Variants in ITPR1 observed in about 807,000 individuals in gnomAD.
The protein encoded by ITPR1 is inositol 1,4,5-trisphosphate-gated calcium channel ITPR1.
ITPR1 carries 96 observed loss-of-function variants against 318.4 expected under a neutral mutation model. That is an observed-to-expected ratio of 0.30 (90% CI 0.26 to 0.36). The LOEUF (loss-of-function observed/expected upper bound fraction) is 0.36. Ranked by LOEUF, ITPR1 falls within the 10% of genes least tolerant of loss-of-function variation. The pLI is 1.00. For synonymous variants in ITPR1, 1,312 were observed against 1,289.9 expected (o/e 1.02, Z -0.37); for missense variants, 2,440 against 3,460.2 (o/e 0.71, Z 7.40).
In ITPR1 at chr3:4,645,401, C is replaced by T. The variant is rs1331781959; in HGVS notation, c.639C>T (p.Asn213=). 1 of 1,612,178 alleles carries T rather than the reference C, an allele frequency of 6.2e-7. No homozygotes were observed. Among genetic ancestry groups the T allele is most frequent in the African/African-American group, 1.3e-5 (1 of 74,846 alleles). Residue 213 remains asparagine, a synonymous_variant, in exon 9 of 62, where the codon AAC becomes AAT. Transcript: ENST00000649015. The stretch of plus-strand genomic sequence containing the variant: ...CTGTGTTTCAGGTCAATTCCGTCAA[C>T]TGCAATACAAGCTGGAAAATAGTCC... The part of the protein sequence containing the change: ...NPGCNEVNSV[N]CNTSWKIVLF...
chr3:4,543,205 T>A (rs2084634238), intron 4 of ITPR1, among the ~76,000 whole-genome samples: 1 of 151,086 alleles, frequency 6.6e-6, no homozygotes, highest in Non-Finnish European at 1.5e-5. Context: ...AAGGCTGCAG[T>A]GAGCTGTGAT....
intron 4 of ITPR1, among the ~76,000 whole-genome samples, chr3:4,524,815 A>G (rs1220158782): frequency 6.6e-6 from 1 of 152,196 alleles, no homozygotes; most frequent in Non-Finnish European, 1.5e-5. Flanking sequence ...TCCAAGTTCC[A>G]TGAATTCTTT....
At chr3:4,716,108 A>G (rs2041742737) in intron 39 of ITPR1, among the ~76,000 whole-genome samples, 2 of 152,222 alleles carry the variant, frequency 1.3e-5, no homozygotes, top group Admixed American at 6.5e-5. Flanking sequence ...CTGTGTATTC[A>G]AAGTTAATAA....
chr3:4,795,212 A>G, intron 53 of ITPR1, 25 bp downstream of exon 53: 3 of 1,607,694 alleles, frequency 1.9e-6, no homozygotes, highest in Non-Finnish European at 2.5e-6. Flanking sequence ...AACTTCAAAA[A>G]TCCTATTAGA....
intron 40 of ITPR1, among the ~76,000 whole-genome samples, chr3:4,722,440 C>A (rs897013734): frequency 2.0e-5 from 3 of 152,156 alleles, no homozygotes; most frequent in Non-Finnish European, 2.9e-5. Flanking sequence ...TCCCCCTAAA[C>A]ACATGTTCAA....
intron 40 of ITPR1, among the ~76,000 whole-genome samples, chr3:4,725,047 A>G (rs1025127904): frequency 6.6e-6 from 1 of 152,116 alleles, no homozygotes; most frequent in Non-Finnish European, 1.5e-5. Flanking sequence ...GTAGGACAGG[A>G]TGTGGAGAAT....
At chr3:4,635,875 T>C (rs572607536) in intron 5 of ITPR1, among the ~76,000 whole-genome samples, 1 of 152,034 alleles carries the variant, frequency 6.6e-6, no homozygotes, top group African/African-American at 2.4e-5. Context: ...TGTTTGTTTT[T>C]TTGTTTGTTT....
At chr3:4,658,383 T>G in intron 13 of ITPR1, 105 bp downstream of exon 13, 2 of 1,000,138 alleles carry the variant, frequency 2.0e-6, no homozygotes, top group Non-Finnish European at 2.9e-6. Flanking sequence ...TTTAGATTTT[T>G]ATAAAGGATT....
chr3:4,775,016 T>TA (rs1442950414), intron 46 of ITPR1, among the ~76,000 whole-genome samples: 1 of 152,208 alleles, frequency 6.6e-6, no homozygotes, highest in Admixed American at 6.5e-5. Context: ...TCCATATACT[T>TA]ACACCTTGGA....
In ITPR1 at chr3:4,847,395, CAAAAA is replaced by C. The variant is rs3079679; in HGVS notation, c.*1180_*1184del. On this transcript the variant is annotated 3_prime_UTR_variant, in exon 62 of 62. Transcript: ENST00000649015. ...CTCATTTTACAAGAGAATCTCTCTG[CAAAAA>C]AAAAAAAAACAGTTTAAAAATGCAT... The C allele has an allele frequency of 7.4e-6, 1 of 135,162 alleles. No homozygotes were observed. Among genetic ancestry groups the C allele is most frequent in the African/African-American group, 2.7e-5 (1 of 36,980 alleles). 8.4% of individuals were successfully genotyped at this position (135,162 alleles called of 1,614,324 possible).
chr3:4,742,703 C>T (rs2043796730), intron 44 of ITPR1, among the ~76,000 whole-genome samples: 1 of 152,216 alleles, frequency 6.6e-6, no homozygotes. Context: ...AAGCATTCCT[C>T]CTCCCTCAGC....
intron 20 of ITPR1, among the ~76,000 whole-genome samples, chr3:4,672,050 T>C (rs1177878045): frequency 6.6e-6 from 1 of 152,246 alleles, no homozygotes; most frequent in Non-Finnish European, 1.5e-5. Flanking sequence ...TGGATGATAT[T>C]CTGTTTTATT....
At chr3:4,792,600 G>C (rs1053924797) in intron 52 of ITPR1, among the ~76,000 whole-genome samples, 3 of 152,112 alleles carry the variant, frequency 2.0e-5, no homozygotes, top group African/African-American at 7.2e-5. Context: ...TCGGCAGGAG[G>C]CCTCAGGTCC....
At chr3:4,538,881 T>C (rs754716523) in intron 4 of ITPR1, among the ~76,000 whole-genome samples, 41 of 151,844 alleles carry the variant, frequency 2.7e-4, no homozygotes, top group Non-Finnish European at 4.6e-4. Flanking sequence ...TTTTAGGGGA[T>C]GGGTGAGGGG....
At chr3:4,548,970 T>C (rs1190075396) in intron 4 of ITPR1, among the ~76,000 whole-genome samples, 2 of 152,206 alleles carry the variant, frequency 1.3e-5, no homozygotes, top group African/African-American at 4.8e-5. Context: ...GTTCCCATGT[T>C]ACCAAGGAGT....
intron 44 of ITPR1, among the ~76,000 whole-genome samples, chr3:4,754,256 A>G (rs1160768745): frequency 6.6e-6 from 1 of 152,110 alleles, no homozygotes; most frequent in African/African-American, 2.4e-5. Flanking sequence ...CTCGCTCTCC[A>G]CGATGCAGAT....
chr3:4,827,390 C>T (rs1020396954), intron 60 of ITPR1, among the ~76,000 whole-genome samples: 1 of 152,184 alleles, frequency 6.6e-6, no homozygotes, highest in Non-Finnish European at 1.5e-5. Context: ...CTGCTCTCAC[C>T]TGGAAAATGT....
intron 55 of ITPR1, among the ~76,000 whole-genome samples, chr3:4,811,064 C>G (rs994547574): frequency 1.3e-5 from 2 of 152,216 alleles, no homozygotes; most frequent in Non-Finnish European, 2.9e-5. Context: ...TTTCCTGCTT[C>G]CTCTTCTGTG....
At chr3:4,586,377 T>A (rs2089900600) in intron 4 of ITPR1, among the ~76,000 whole-genome samples, 1 of 152,248 alleles carries the variant, frequency 6.6e-6, no homozygotes, top group Non-Finnish European at 1.5e-5. Flanking sequence ...AGGATTAACA[T>A]GCCCACAGCA....
Sources: gnomAD v4.1 joint callset for allele counts (sites outside exome capture counted in the v4.1 genomes callset) on GRCh38, gnomAD v4.1.1 for gene constraint, MANE v1.5 for transcripts, NCBI Gene and HGNC (gene_info 2026-07-23, HGNC 2026-07-21) for gene names.